KDM5C: variants seen among roughly 807,000 people sequenced by gnomAD.
KDM5C encodes lysine-specific demethylase 5C.
KDM5C carries 16 observed loss-of-function variants against 110.6 expected under a neutral mutation model. The observed-to-expected ratio is 0.14, with a 90% CI of 0.10 to 0.22. The LOEUF is 0.22. KDM5C is among the 10% of genes least tolerant of loss of function. KDM5C has a pLI of 1.00. For synonymous variants in KDM5C, 511 were observed against 520.4 expected, an observed-to-expected ratio of 0.98 and a Z score of 0.24; for missense variants, 681 against 1,300.9, an observed-to-expected ratio of 0.52 and a Z score of 7.33.
intron 3 of KDM5C, 152 bp from the exon 4 acceptor site, chrX:53,218,118 A>G: frequency 1.1e-6 from 1 of 889,716 alleles, no homozygotes; most frequent in South Asian, 2.2e-5. Context: ...AAATTGCAGC[A>G]AAAGATTCCA....
chrX:53,212,053 G>A, intron 8 of KDM5C, 147 bp from the exon 9 acceptor site: 1 of 682,170 alleles, frequency 1.5e-6, no homozygotes, highest in Admixed American at 2.8e-5. Flanking sequence ...CTTTACAGCT[G>A]TACCTTTTGC....
chrX:53,202,335 G>C, intron 12 of KDM5C: 1 of 202,421 alleles, frequency 4.9e-6, no homozygotes, highest in Non-Finnish European at 9.1e-6. Flanking sequence ...GCTCTATAAA[G>C]ATCTGTTATA....
At chrX:53,178,857 G>T (rs1264382669) in intron 25 of KDM5C, among the ~76,000 whole-genome samples, 1 of 112,193 alleles carries the variant, frequency 8.9e-6, no homozygotes, top group Non-Finnish European at 1.9e-5. Flanking sequence ...CAGCACTTTG[G>T]GTGGCTGAGG....
intron 12 of KDM5C, chrX:53,202,270 GCTT>G (rs2073165353): frequency 7.3e-6 from 2 of 274,747 alleles, no homozygotes; most frequent in African/African-American, 5.5e-5. Flanking sequence ...AGCTGGACAA[GCTT>G]TTTTAGTTAT....
At chrX:53,213,660 C>T (rs1244903334) in intron 8 of KDM5C, among the ~76,000 whole-genome samples, 4 of 111,575 alleles carry the variant, frequency 3.6e-5, no homozygotes, top group Non-Finnish European at 5.6e-5. Flanking sequence ...CAGCCAACCA[C>T]CTCTCTAGTT....
chrX:53,202,166 T>C (rs1556842430), intron 12 of KDM5C, 193 bp from the exon 13 acceptor site: 6 of 439,163 alleles, frequency 1.4e-5, no homozygotes, highest in Non-Finnish European at 2.3e-5. Flanking sequence ...TGTGTTGAGA[T>C]GATAGGAAGA....
At chrX:53,185,778 A>AGTT (rs1291275793) in intron 25 of KDM5C, among the ~76,000 whole-genome samples, 1 of 111,919 alleles carries the variant, frequency 8.9e-6, no homozygotes, top group Non-Finnish European at 1.9e-5. Flanking sequence ...ATAAAGTCCT[A>AGTT]GTTGTTATAT....
At position 53,194,801 on chromosome X, in the gene KDM5C, C is replaced by T. The variant is rs1934704388; in HGVS notation, c.3439-63G>A. 1.3e-5 allele frequency: 15 copies of T among 1,190,939 alleles called. No individual in the cohort carries two copies. In the South Asian group the frequency reaches 2.7e-4, roughly 22 times the overall value. Reference sequence around the variant, plus strand: ...CCTACCCCTTCCCTTCTCTGGGCCCCCCCTTAACACCCCCACTCCCAAACC... The same window carrying T: ...CCTACCCCTTCCCTTCTCTGGGCCCTCCCTTAACACCCCCACTCCCAAACC... On this transcript the variant is annotated intron_variant, in intron 22 of 25. Transcript: ENST00000375401.
intron 25 of KDM5C, among the ~76,000 whole-genome samples, chrX:53,186,036 T>C (rs1934207156): frequency 8.9e-6 from 1 of 111,786 alleles, no homozygotes; most frequent in African/African-American, 3.3e-5. Flanking sequence ...GCCTTTGAAA[T>C]AGACTGGATA....
intron 1 of KDM5C, among the ~76,000 whole-genome samples, chrX:53,221,487 T>C (rs978632035): frequency 1.8e-5 from 2 of 112,096 alleles, no homozygotes; most frequent in African/African-American, 6.5e-5. Flanking sequence ...CAAATGAAAA[T>C]GTTATTCAAA....
chrX:53,191,946 C>A (rs1556830930), downstream of KDM5C: 1 of 174,163 alleles, frequency 5.7e-6, no homozygotes, highest in East Asian at 8.1e-5. Context: ...CCGAGCCCAT[C>A]TGTTTGGACT....
chrX:53,214,963 T>C lies in KDM5C; in HGVS notation c.964-116A>G, dbSNP rs139939140. ...TAGGTCTGGAGCTCAACTGCACGTA[T>C]GTACCATCTCCCCAAATAAGCAGGT... On this transcript the variant is annotated intron_variant, in intron 7 of 25. Transcript: ENST00000375401. The C allele has an allele frequency of 2.3e-4, 173 of 762,059 alleles. No homozygotes were observed. In the African/African-American group the frequency reaches 3.2e-3, roughly 14 times the overall value. The allele number at this position is 762,059 out of a possible 1,213,427, so 62.8% of individuals were successfully genotyped here.
intron 12 of KDM5C, 165 bp from the exon 13 acceptor site, chrX:53,202,138 G>C: frequency 1.8e-6 from 1 of 547,433 alleles, no homozygotes; most frequent in African/African-American, 2.3e-5. Flanking sequence ...ACTGGTCTCT[G>C]CTCTCAAGGT....
intron 25 of KDM5C, among the ~76,000 whole-genome samples, chrX:53,183,794 C>T (rs936527693): frequency 4.5e-5 from 5 of 110,672 alleles, no homozygotes; most frequent in African/African-American, 1.3e-4. Flanking sequence ...AGGCTGGCCT[C>T]GAACTCCTGA....
downstream of KDM5C, chrX:53,191,932 G>C (rs1556830905): frequency 5.7e-6 from 1 of 174,379 alleles, no homozygotes; most frequent in African/African-American, 3.0e-5. Context: ...TTGGGTGAGG[G>C]GGCCCGAGCC....
rs1289843396 is a variant in KDM5C, at chrX:53,214,862, G to A, written c.964-15C>T. 3 of 1,207,774 alleles carry A rather than the reference G, an allele frequency of 2.5e-6. No individual in the cohort carries two copies. The highest frequency in any genetic ancestry group is 3.5e-5 in the African/African-American group (2 of 57,165). On this transcript the variant is annotated splice_polypyrimidine_tract_variant and intron_variant, in intron 7 of 25. Transcript: ENST00000375401. Reference sequence around the variant, plus strand: ...TATGACTCAATCTGCCAGGGGAGAAGAGCAAAAGTTCTCCATTGGAAATCC... The same window carrying A: ...TATGACTCAATCTGCCAGGGGAGAAAAGCAAAAGTTCTCCATTGGAAATCC...
Position 53,211,919 on chromosome X carries a change from G to A in KDM5C, c.1123-13C>T. The A allele has an allele frequency of 8.3e-7, 1 of 1,209,840 alleles. No homozygotes were observed. The highest frequency in any genetic ancestry group is 1.8e-5 in the South Asian group (1 of 56,670). On this transcript the variant is annotated splice_polypyrimidine_tract_variant and intron_variant, in intron 8 of 25. Coordinates refer to ENST00000375401, the MANE Select transcript of KDM5C (RefSeq NM_004187.5). ...GCCGCTTACACTCCTGAAACCCAAA[G>A]GAGAACATGTCACCAAAACAGAGGC...
chrX:53,194,913 T>C lies in KDM5C; in HGVS notation c.3438+18A>G. The C allele has an allele frequency of 1.7e-6, 2 of 1,210,171 alleles. No homozygotes were observed. The highest frequency in any genetic ancestry group is 2.2e-6 in the Non-Finnish European group (2 of 894,658). On this transcript the variant is annotated intron_variant, in intron 22 of 25. Coordinates refer to ENST00000375401, the MANE Select transcript of KDM5C (RefSeq NM_004187.5). The stretch of plus-strand genomic sequence containing the variant: ...TCATCACCAAGCCCTTCTCCCCATC[T>C]GTGTCGAAGCTCCTTACCACAGAGC...
chrX:53,196,984 G>A lies in KDM5C; in HGVS notation c.2683C>T (p.Pro895Ser), dbSNP rs1556837685. 1 of 1,193,589 alleles carries A rather than the reference G, an allele frequency of 8.4e-7. No individual in the cohort carries two copies. The highest frequency in any genetic ancestry group is 1.1e-6 in the Non-Finnish European group (1 of 886,410). The stretch of plus-strand genomic sequence containing the variant: ...GACTGCAGTAGCCCTGGACTGGAGG[G>A]CAGTGAGGCCAGGGCCTCACGAGCC... ...AEAREALASLPSSPGLLQSLL... is the reference protein window; with the variant it reads ...AEAREALASLSSSPGLLQSLL... The change falls in exon 19 of 26, where the codon CCC (proline) becomes TCC (serine). Residue 895 changes from proline to serine, a missense_variant. By Grantham distance (74) the Pro-to-Ser change is moderately conservative (BLOSUM62 -1). Coordinates refer to ENST00000375401, the MANE Select transcript of KDM5C (RefSeq NM_004187.5).
Sources: allele counts gnomAD v4.1 joint callset (sites outside exome capture counted in the v4.1 genomes callset), GRCh38; gene constraint gnomAD v4.1.1; transcripts MANE v1.5; gene names NCBI Gene and HGNC (gene_info 2026-07-23, HGNC 2026-07-21).